The following GRM5 variants were observed in gnomAD, a reference collection of about 807,000 sequenced individuals.
The protein encoded by GRM5 is glutamate metabotropic receptor 5.
Under a neutral mutation model 83.1 loss-of-function variants are expected in GRM5, and 19 were observed. That is an observed-to-expected ratio of 0.23 (90% CI 0.16 to 0.34). The LOEUF is 0.34. Ranked by LOEUF, GRM5 falls within the 10% of genes least tolerant of loss-of-function variation. The pLI is 1.00. For missense variants in GRM5, 1,160 were observed against 1,588.3 expected, an observed-to-expected ratio of 0.73 and a Z score of 4.58; for synonymous variants, 675 against 633.6, an observed-to-expected ratio of 1.07 and a Z score of -0.98.
chr11:88,759,790 A>G (rs1277870636), intron 3 of GRM5, among the ~76,000 whole-genome samples: 3 of 152,056 alleles, frequency 2.0e-5, no homozygotes, highest in Admixed American at 6.6e-5. Flanking sequence ...TGATTGCCAC[A>G]TGGTACATAT....
At chr11:88,535,682 A>G (rs187402800) in intron 8 of GRM5, among the ~76,000 whole-genome samples, 1 of 152,240 alleles carries the variant, frequency 6.6e-6, no homozygotes, top group Admixed American at 6.5e-5. Flanking sequence ...TTTTCTTCCA[A>G]AACTGAGTCT....
At chr11:88,522,676 G>C (rs1299700585) in intron 9 of GRM5, among the ~76,000 whole-genome samples, 1 of 149,334 alleles carries the variant, frequency 6.7e-6, no homozygotes, top group Non-Finnish European at 1.5e-5. Flanking sequence ...GAAATGAGAA[G>C]GAAGAGATAC....
Position 88,803,958 on chromosome 11 carries a change from G to T in GRM5, c.911+45948C>A, listed in dbSNP as rs563818747. ...AAATGCTCACCATCACTGGCCATCA[G>T]AGAAATGCAAATCAAAACCACAATG... On this transcript the variant is annotated intron_variant, in intron 3 of 9. Coordinates refer to ENST00000305447, the MANE Select transcript of GRM5 (RefSeq NM_001143831.3). Among the ~76,000 whole-genome samples the T allele has an allele frequency of 3.9e-5, 6 of 151,980 alleles. No individual in the cohort carries two copies. In the East Asian group the frequency reaches 9.7e-4, roughly 24 times the overall value.
At chr11:88,838,897 AC>A (rs1944141961) in intron 3 of GRM5, among the ~76,000 whole-genome samples, 1 of 151,750 alleles carries the variant, frequency 6.6e-6, no homozygotes, top group South Asian at 2.1e-4. Context: ...ACACACACAC[AC>A]ACACACATAC....
chr11:88,557,459 T>C (rs577201951), intron 8 of GRM5, among the ~76,000 whole-genome samples: 1 of 152,074 alleles, frequency 6.6e-6, no homozygotes, highest in Non-Finnish European at 1.5e-5. Flanking sequence ...ATGAGTATTA[T>C]GGAATTGGAT....
chr11:88,624,930 G>T (rs1938750435), intron 4 of GRM5, among the ~76,000 whole-genome samples: 1 of 152,104 alleles, frequency 6.6e-6, no homozygotes, highest in Non-Finnish European at 1.5e-5. Flanking sequence ...TGGTGTTATT[G>T]CTAGGGGATC....
chr11:89,065,536 T>C (rs1385703822), intron 1 of GRM5, among the ~76,000 whole-genome samples: 2 of 152,140 alleles, frequency 1.3e-5, no homozygotes, highest in African/African-American at 2.4e-5. Context: ...CTTAAATTTA[T>C]GTCTGATTCA....
At chr11:88,865,765 C>T (rs625310) in intron 2 of GRM5, among the ~76,000 whole-genome samples, 40,773 of 151,762 alleles carry the variant, frequency 0.27, 5,766 homozygotes, top group South Asian at 0.53. Context: ...ACAGACATTT[C>T]GCAAAAGAAG....
At chr11:88,763,087 G>A (rs796986920) in intron 3 of GRM5, among the ~76,000 whole-genome samples, 6 of 151,824 alleles carry the variant, frequency 4.0e-5, no homozygotes, top group African/African-American at 1.4e-4. Context: ...TTTAACACCT[G>A]GGTGACAAAA....
At chr11:88,981,437 C>CA in intron 2 of GRM5, among the ~76,000 whole-genome samples, 1 of 152,056 alleles carries the variant, frequency 6.6e-6, no homozygotes, top group Admixed American at 6.5e-5. Flanking sequence ...TTTTAAATGG[C>CA]AAAAATTTCA....
chr11:88,688,785 G>A (rs1940709066), intron 3 of GRM5, among the ~76,000 whole-genome samples: 1 of 151,970 alleles, frequency 6.6e-6, no homozygotes, highest in Non-Finnish European at 1.5e-5. Flanking sequence ...TTGCATAGTA[G>A]GGAAATAATT....
intron 4 of GRM5, among the ~76,000 whole-genome samples, chr11:88,649,233 G>A (rs1173882631): frequency 1.5e-5 from 2 of 133,096 alleles, no homozygotes; most frequent in African/African-American, 2.9e-5. Context: ...TGTATATATA[G>A]TATATATATC....
intron 2 of GRM5, among the ~76,000 whole-genome samples, chr11:88,873,878 G>T (rs1944808779): frequency 6.6e-6 from 1 of 151,502 alleles, no homozygotes; most frequent in African/African-American, 2.4e-5. Flanking sequence ...AGCATAAACA[G>T]AACATAGACT....
Position 88,705,653 on chromosome 11 carries a change from C to A in GRM5, c.912-52250G>T, listed in dbSNP as rs112372473. On this transcript the variant is annotated intron_variant, in intron 3 of 9. Transcript: ENST00000305447. ...CCTTGCTGCCATTCATCATCGACTG[C>A]AACATCTTTTCTCTCTGCTTTCTGC... Among the ~76,000 whole-genome samples, 1,253 of 151,588 alleles carry A rather than the reference C, an allele frequency of 8.3e-3. 9 individuals carry two copies. The highest frequency in any genetic ancestry group is 0.014 in the Non-Finnish European group (923 of 67,884).
chr11:88,655,068 T>C (rs961781179), intron 3 of GRM5, among the ~76,000 whole-genome samples: 1 of 152,100 alleles, frequency 6.6e-6, no homozygotes, highest in South Asian at 2.1e-4. Flanking sequence ...TTTCTCTAAG[T>C]CCTCCATGAC....
chr11:88,914,902 G>T (rs543718895), intron 2 of GRM5, among the ~76,000 whole-genome samples: 7 of 152,190 alleles, frequency 4.6e-5, no homozygotes, highest in African/African-American at 7.2e-5. Context: ...ATTATTCATA[G>T]AAAATTATCT....
intron 4 of GRM5, among the ~76,000 whole-genome samples, chr11:88,637,191 C>T (rs1003885418): frequency 1.3e-5 from 2 of 152,050 alleles, no homozygotes; most frequent in Non-Finnish European, 2.9e-5. Context: ...GACCTAAAAC[C>T]ATAAAAACCC....
At chr11:88,692,521 G>C (rs553612526) in intron 3 of GRM5, among the ~76,000 whole-genome samples, 1 of 152,254 alleles carries the variant, frequency 6.6e-6, no homozygotes, top group African/African-American at 2.4e-5. Flanking sequence ...GATGTTCTCT[G>C]TCACCTCTAG....
chr11:88,558,239 G>T (rs1942670551), intron 8 of GRM5, among the ~76,000 whole-genome samples: 2 of 152,082 alleles, frequency 1.3e-5, no homozygotes, highest in Admixed American at 6.6e-5. Context: ...TCTCTCCAAA[G>T]AAAAGTAACT....
Sources: gnomAD v4.1 joint callset for allele counts (sites outside exome capture counted in the v4.1 genomes callset) on GRCh38, gnomAD v4.1.1 for gene constraint, MANE v1.5 for transcripts, NCBI Gene and HGNC (gene_info 2026-07-23, HGNC 2026-07-21) for gene names.